Variants in FIP1L1 observed in about 807,000 individuals in gnomAD.
FIP1L1 encodes pre-mRNA 3'-end-processing factor FIP1.
FIP1L1 carries 21 observed loss-of-function variants against 84.6 expected under a neutral mutation model. The ratio of observed to expected loss-of-function variants is 0.25; its 90% CI spans 0.18 to 0.36. FIP1L1 has a LOEUF of 0.36. Ranked by LOEUF, FIP1L1 falls within the 10% of genes least tolerant of loss-of-function variation. FIP1L1 has a pLI of 1.00. For synonymous variants in FIP1L1, 263 were observed against 242.3 expected (o/e 1.09, Z -0.80); for missense variants, 526 against 751.1 (o/e 0.70, Z 3.50).
intron 3 of FIP1L1, among the ~76,000 whole-genome samples, chr4:53,380,616 T>C (rs1486249539): frequency 6.6e-6 from 1 of 152,106 alleles, no homozygotes; most frequent in Non-Finnish European, 1.5e-5. Context: ...GAAGTAGAAA[T>C]AGCTTAGGAG....
At chr4:53,389,032 A>G (rs1329409206) in intron 5 of FIP1L1, among the ~76,000 whole-genome samples, 1 of 152,216 alleles carries the variant, frequency 6.6e-6, no homozygotes, top group Non-Finnish European at 1.5e-5. Flanking sequence ...ATATACATTC[A>G]TGTAACTACA....
chr4:53,379,338 T>C (rs1284632048), intron 3 of FIP1L1, 74 bp downstream of exon 3: 1 of 1,287,834 alleles, frequency 7.8e-7, no homozygotes, highest in Non-Finnish European at 1.1e-6. Context: ...GTCAAAATTA[T>C]TTTCTTACAA....
At chr4:53,378,252 T>C (rs1293932294) in intron 1 of FIP1L1, 1 of 258,406 alleles carries the variant, frequency 3.9e-6, no homozygotes, top group Admixed American at 5.5e-5. Context: ...TGTTTTTTTC[T>C]GTCGATTCTG....
In FIP1L1 at chr4:53,379,221, G is replaced by T. The variant is rs755528845; in HGVS notation, c.131-4G>T. On this transcript the variant is annotated splice_region_variant and splice_polypyrimidine_tract_variant and intron_variant, in intron 2 of 17. Coordinates refer to ENST00000337488, the MANE Select transcript of FIP1L1 (RefSeq NM_030917.4). ...TTTATTTATTTGTTTATTTTACTTG[G>T]TAGATGAAAATGAAGTTGAAAGGCC... 2 of 1,604,268 alleles carry T rather than the reference G, an allele frequency of 1.2e-6. No individual in the cohort carries two copies. Among genetic ancestry groups the T allele is most frequent in the Non-Finnish European group, 1.7e-6 (2 of 1,177,458 alleles).
At position 53,425,923 on chromosome 4, in the gene FIP1L1, A is replaced by G. The variant is rs777948532; in HGVS notation, c.975A>G (p.Arg325=). The part of the protein sequence containing the change: ...DVIGQTITIS[R]VEGRRRANEN... ...TCGGTCAGACTATAACTATCAGCCG[A>G]GTAGAAGGCAGGCGACGGGCAAATG... The change falls in exon 12 of 18, where the codon CGA becomes CGG. Residue 325 remains arginine (R), a synonymous_variant. Coordinates refer to ENST00000337488, the MANE Select transcript of FIP1L1 (RefSeq NM_030917.4). 6.2e-7 allele frequency: 1 copy of G among 1,612,368 alleles called. No homozygotes were observed. The highest frequency in any genetic ancestry group is 8.5e-7 in the Non-Finnish European group (1 of 1,178,766).
chr4:53,409,744 C>T (rs1423913197), intron 10 of FIP1L1, among the ~76,000 whole-genome samples: 1 of 152,238 alleles, frequency 6.6e-6, no homozygotes, highest in Admixed American at 6.5e-5. Context: ...TGATCTCAGA[C>T]TGCTGTGCTA....
At chr4:53,433,326 T>G (rs533459589) in intron 13 of FIP1L1, among the ~76,000 whole-genome samples, 2 of 152,174 alleles carry the variant, frequency 1.3e-5, no homozygotes, top group Non-Finnish European at 2.9e-5. Flanking sequence ...CTATTCTACT[T>G]TTTGTCTCTA....
At chr4:53,390,084 G>A (rs868117232) in intron 6 of FIP1L1, among the ~76,000 whole-genome samples, 4 of 152,038 alleles carry the variant, frequency 2.6e-5, no homozygotes, top group South Asian at 2.1e-4. Context: ...GACTGCGGGC[G>A]TGCACCACCA....
intron 10 of FIP1L1, among the ~76,000 whole-genome samples, chr4:53,400,047 A>G (rs1443619587): frequency 6.6e-6 from 1 of 152,198 alleles, no homozygotes; most frequent in Non-Finnish European, 1.5e-5. Flanking sequence ...GAAGTGCGGT[A>G]TATAGTTTTG....
Position 53,459,425 on chromosome 4 carries a change from C to T in FIP1L1, c.1761C>T (p.Ser587=). The stretch of plus-strand genomic sequence containing the variant: ...GTGAGCCTGCCCCTGAACAGGAGAG[C>T]ACCGAAGCTACACCTGCAGAATAGG... ...AGSEPAPEQE[S]TEATPAE Residue 587 remains serine, a synonymous_variant, in exon 18 of 18, where the codon AGC becomes AGT. Coordinates refer to ENST00000337488, the MANE Select transcript of FIP1L1 (RefSeq NM_030917.4). 1.9e-6 allele frequency: 3 copies of T among 1,613,108 alleles called. No homozygotes were observed. The highest frequency in any genetic ancestry group is 2.5e-6 in the Non-Finnish European group (3 of 1,179,538).
intron 13 of FIP1L1, among the ~76,000 whole-genome samples, chr4:53,430,748 A>G (rs985142679): frequency 6.6e-6 from 1 of 152,152 alleles, no homozygotes; most frequent in Admixed American, 6.5e-5. Flanking sequence ...CTGTTGCTTA[A>G]TCTATTTTTC....
Position 53,458,690 on chromosome 4 carries a change from A to G in FIP1L1, c.1537A>G (p.Arg513Gly), listed in dbSNP as rs1260644726. 6.2e-7 allele frequency: 1 copy of G among 1,613,186 alleles called. No individual in the cohort carries two copies. Among genetic ancestry groups the G allele is most frequent in the Admixed American group, 1.7e-5 (1 of 59,918 alleles). The change falls in exon 17 of 18, where the codon AGA becomes GGA. Residue 513 changes from arginine to glycine, a missense_variant. This residue lies in a region of FIP1L1 where 89 missense variants were observed against 169.0 expected (regional missense o/e 0.53). Coordinates refer to ENST00000337488, the MANE Select transcript of FIP1L1 (RefSeq NM_030917.4). ...ATACAGATACAGGGAATATGCAGAA[A>G]GAGGTTATGAGCGTCACAGAGCAAG... ...ERYRYREYAE[R>G]GYERHRASRE...
At chr4:53,395,771 C>T (rs1488760437) in intron 9 of FIP1L1, among the ~76,000 whole-genome samples, 3 of 151,748 alleles carry the variant, frequency 2.0e-5, no homozygotes, top group Admixed American at 6.6e-5. Context: ...TGTATATCTA[C>T]GTTAATTTTT....
chr4:53,397,500 C>T (rs1213665989), intron 9 of FIP1L1, among the ~76,000 whole-genome samples: 1 of 152,206 alleles, frequency 6.6e-6, no homozygotes, highest in Admixed American at 6.5e-5. Context: ...CTGTTTTCTT[C>T]TCATGGCTAA....
chr4:53,414,334 A>T (rs1758489188), intron 10 of FIP1L1, among the ~76,000 whole-genome samples: 1 of 152,144 alleles, frequency 6.6e-6, no homozygotes, highest in Non-Finnish European at 1.5e-5. Flanking sequence ...AATGTATTGT[A>T]ACCTGATGTA....
In FIP1L1 at chr4:53,378,006, C is replaced by T. The variant is rs545396589; in HGVS notation, c.85+83C>T. On this transcript the variant is annotated intron_variant, in intron 1 of 17. Transcript: ENST00000337488. ...CAAACGGCCGGCGTCCCTGGCCTCT[C>T]GCGCCGCCGCTTCGGGCCTCTGGTT... 1.6e-5 allele frequency: 20 copies of T among 1,225,416 alleles called. No homozygotes were observed. In the African/African-American group the frequency reaches 2.3e-4, roughly 14 times the overall value. 75.9% of individuals were successfully genotyped at this position (1,225,416 alleles called of 1,614,324 possible). A position where few individuals can be genotyped will look rare whatever the true frequency, so the allele number is the denominator to read the frequency against.
chr4:53,420,947 G>A (rs193207593), intron 11 of FIP1L1, among the ~76,000 whole-genome samples: 8 of 152,244 alleles, frequency 5.3e-5, no homozygotes, highest in Admixed American at 2.0e-4. Context: ...TCTTGAACAT[G>A]CCCTTAGATT....
intron 10 of FIP1L1, among the ~76,000 whole-genome samples, chr4:53,414,031 T>C (rs1202801615): frequency 6.6e-6 from 1 of 152,206 alleles, no homozygotes; most frequent in Admixed American, 6.5e-5. Flanking sequence ...CTGTAAAGTA[T>C]TGGCAATATT....
chr4:53,442,734 G>A, intron 14 of FIP1L1, 27 bp downstream of exon 14: 1 of 1,382,348 alleles, frequency 7.2e-7, no homozygotes. Flanking sequence ...ACTGATTTTT[G>A]ATCATTGATA....
Sources: gnomAD v4.1 joint callset for allele counts (sites outside exome capture counted in the v4.1 genomes callset) on GRCh38, gnomAD v4.1.1 for gene constraint, gnomAD v4.1.1 regional missense constraint, MANE v1.5 for transcripts, NCBI Gene and HGNC (gene_info 2026-07-23, HGNC 2026-07-21) for gene names.